DLG2: variants seen among roughly 807,000 people sequenced by gnomAD.
DLG2 encodes the protein disks large homolog 2.
DLG2 carries 45 observed loss-of-function variants against 132.5 expected under a neutral mutation model. That is an observed-to-expected ratio of 0.34 (90% CI 0.27 to 0.44). The LOEUF (loss-of-function observed/expected upper bound fraction) is 0.44, where lower values mean the gene tolerates loss of function less well. Ranked by LOEUF, DLG2 falls within the 20% of genes least tolerant of loss-of-function variation. DLG2 has a pLI of 1.00. For synonymous variants in DLG2, 424 were observed against 419.6 expected, an observed-to-expected ratio of 1.01 and a Z score of -0.13; for missense variants, 1,045 against 1,196.9, an observed-to-expected ratio of 0.87 and a Z score of 1.87.
chr11:84,012,232 T>C (rs1159518599), intron 11 of DLG2, among the ~76,000 whole-genome samples: 1 of 152,164 alleles, frequency 6.6e-6, no homozygotes, highest in Admixed American at 6.5e-5. Flanking sequence ...ATTTTAGTTA[T>C]TGTTTCTCTG....
chr11:84,630,358 T>C (rs77950648), intron 6 of DLG2, among the ~76,000 whole-genome samples: 279 of 152,268 alleles, frequency 1.8e-3, no homozygotes, highest in African/African-American at 6.4e-3. Context: ...GGGTAGCTCT[T>C]TTTTGCTACT....
intron 14 of DLG2, among the ~76,000 whole-genome samples, chr11:83,947,574 T>A (rs79073790): frequency 2.0e-5 from 3 of 152,108 alleles, no homozygotes; most frequent in Non-Finnish European, 4.4e-5. Flanking sequence ...ATGACTATGG[T>A]TTCCTGGACT....
rs28649764 is a variant in DLG2 at position 83,491,448 on chromosome 11, C to G, written c.2194-7220G>C. On this transcript the variant is annotated intron_variant, in intron 21 of 27. Transcript: ENST00000376104. ...AGATGCCAATCATTCTAATTAAGTT[C>G]TGTGAAATGGAATCCCAGATGAAAC... is the stretch of plus-strand genomic sequence containing the variant. Among the ~76,000 whole-genome samples the G allele has an allele frequency of 6.8e-3, 1,041 of 152,094 alleles. 53 individuals carry two copies. The highest frequency in any genetic ancestry group is 0.062 in the Admixed American group (952 of 15,238).
intron 7 of DLG2, among the ~76,000 whole-genome samples, chr11:84,439,267 G>T (rs964583995): frequency 1.3e-5 from 2 of 152,124 alleles, no homozygotes; most frequent in Admixed American, 1.3e-4. Flanking sequence ...GAATTGGGCA[G>T]ATATTTTTAA....
intron 11 of DLG2, among the ~76,000 whole-genome samples, chr11:84,020,626 A>T (rs538342986): frequency 2.0e-5 from 3 of 152,308 alleles, no homozygotes; most frequent in Admixed American, 2.0e-4. Context: ...TAATGTTTTG[A>T]AGTCATAAGA....
chr11:84,835,148 T>C (rs2079575065), intron 6 of DLG2, among the ~76,000 whole-genome samples: 2 of 151,704 alleles, frequency 1.3e-5, no homozygotes, highest in Non-Finnish European at 3.0e-5. Context: ...AATTCTGTTT[T>C]ATATTTACTC....
chr11:85,018,567 G>A (rs1257707495), intron 6 of DLG2, among the ~76,000 whole-genome samples: 1 of 152,072 alleles, frequency 6.6e-6, no homozygotes, highest in African/African-American at 2.4e-5. Flanking sequence ...TCTCACATGG[G>A]AAAGTTCTTT....
intron 7 of DLG2, among the ~76,000 whole-genome samples, chr11:84,435,993 T>G (rs971899727): frequency 3.9e-5 from 6 of 152,154 alleles, no homozygotes; most frequent in Non-Finnish European, 7.3e-5. Context: ...CTAAAACATT[T>G]GTTCCAATAA....
chr11:84,481,424 T>C (rs908296890), intron 7 of DLG2, among the ~76,000 whole-genome samples: 7 of 152,282 alleles, frequency 4.6e-5, no homozygotes, highest in African/African-American at 9.6e-5. Context: ...TGCTATTTCC[T>C]CTCTTGTCTT....
At chr11:84,268,676 T>G (rs1359667469) in intron 7 of DLG2, among the ~76,000 whole-genome samples, 1 of 151,850 alleles carries the variant, frequency 6.6e-6, no homozygotes, top group African/African-American at 2.4e-5. Flanking sequence ...TTAGCCACGA[T>G]GGTCTTGATC....
chr11:84,087,831 T>A (rs940145432), intron 10 of DLG2, among the ~76,000 whole-genome samples: 4 of 152,208 alleles, frequency 2.6e-5, no homozygotes, highest in African/African-American at 9.6e-5. Flanking sequence ...ACATTCCAAG[T>A]TTATCTCAGT....
intron 17 of DLG2, among the ~76,000 whole-genome samples, chr11:83,824,040 T>G (rs1219719554): frequency 6.6e-6 from 1 of 152,216 alleles, no homozygotes; most frequent in Non-Finnish European, 1.5e-5. Flanking sequence ...TGATTATCTG[T>G]GTGATCTTGG....
chr11:84,512,341 G>T (rs964746661), intron 7 of DLG2, among the ~76,000 whole-genome samples: 1 of 152,062 alleles, frequency 6.6e-6, no homozygotes, highest in Non-Finnish European at 1.5e-5. Flanking sequence ...GGAACATAGA[G>T]AGCACTTCAG....
chr11:84,355,928 A>T (rs2098608811), intron 7 of DLG2, among the ~76,000 whole-genome samples: 1 of 152,106 alleles, frequency 6.6e-6, no homozygotes, highest in African/African-American at 2.4e-5. Context: ...GAGTTACATC[A>T]AACAGAATCC....
chr11:84,624,857 C>CTTTATTTTTTTTT, intron 6 of DLG2, among the ~76,000 whole-genome samples: 1 of 76,198 alleles, frequency 1.3e-5, no homozygotes, highest in Non-Finnish European at 2.2e-5. Flanking sequence ...GAGAGTCAAC[C>CTTTATTTTTTTTT]TTTTTTTTTT....
intron 5 of DLG2, among the ~76,000 whole-genome samples, chr11:85,119,192 G>T (rs2074015476): frequency 6.6e-6 from 1 of 152,018 alleles, no homozygotes; most frequent in African/African-American, 2.4e-5. Flanking sequence ...AAGATGGAAA[G>T]AATGTCTGAA....
intron 3 of DLG2, among the ~76,000 whole-genome samples, chr11:85,456,556 G>T (rs2092428970): frequency 6.6e-6 from 1 of 152,136 alleles, no homozygotes; most frequent in Non-Finnish European, 1.5e-5. Context: ...AAGGTGTGAT[G>T]TTAGGTTGTT....
intron 5 of DLG2, among the ~76,000 whole-genome samples, chr11:85,153,317 A>AT (rs1321958765): frequency 6.6e-6 from 1 of 152,074 alleles, no homozygotes; most frequent in Admixed American, 6.6e-5. Flanking sequence ...CTCTAAAGGT[A>AT]TTTTCTTAGT....
intron 3 of DLG2, among the ~76,000 whole-genome samples, chr11:85,514,881 T>A (rs1032694806): frequency 6.6e-6 from 1 of 151,982 alleles, no homozygotes; most frequent in Non-Finnish European, 1.5e-5. Flanking sequence ...ACCAATAATC[T>A]TCTTGAATTA....
Sources: gnomAD v4.1 joint callset for allele counts (sites outside exome capture counted in the v4.1 genomes callset) on GRCh38, gnomAD v4.1.1 for gene constraint, MANE v1.5 for transcripts, NCBI Gene and HGNC (gene_info 2026-07-23, HGNC 2026-07-21) for gene names.